The following POMT2 variants were observed in gnomAD, a reference collection of about 807,000 sequenced individuals.
The protein encoded by POMT2 is protein O-mannosyltransferase 2.
A neutral mutation model predicts 100.0 loss-of-function variants in POMT2; 75 were observed. The observed-to-expected ratio is 0.75, with a 90% CI of 0.62 to 0.91. The LOEUF (loss-of-function observed/expected upper bound fraction) is 0.91, where lower values mean the gene tolerates loss of function less well. Among genes scored for constraint, POMT2 ranks in the 40% least tolerant of loss-of-function variants. The probability of loss-of-function intolerance (pLI) is 0.00; values close to 1 mark genes in which losing one functional copy is unlikely to be tolerated. For missense variants in POMT2, 940 were observed against 955.1 expected (o/e 0.98, Z 0.21); for synonymous variants, 378 against 374.1 (o/e 1.01, Z -0.12).
chr14:77,279,879 C>A lies in POMT2; in HGVS notation c.1835G>T (p.Gly612Val), dbSNP rs772405371. The part of the protein sequence containing the change: ...LLSIALYLLS[G>V]SIIAVAMQRG... ...CTGCATGGCTACAGCAATGATGCTC[C>A]CTGAGAGGAGGTAGAGGGCGATGCT... is the stretch of plus-strand genomic sequence containing the variant. The change falls in exon 18 of 21, where the codon GGG becomes GTG. Residue 612 changes from glycine (G) to valine (V), a missense_variant. Gly to Val is a moderately radical substitution (Grantham distance 109). Transcript: ENST00000261534. 1.2e-6 allele frequency: 2 copies of A among 1,613,912 alleles called. No homozygotes were observed. Among genetic ancestry groups the A allele is most frequent in the Non-Finnish European group, 1.7e-6 (2 of 1,180,020 alleles).
At chr14:77,286,625 G>A (rs1890432548) in intron 12 of POMT2, 119 bp downstream of exon 12, 2 of 1,444,554 alleles carry the variant, frequency 1.4e-6, no homozygotes, top group East Asian at 2.4e-5. Context: ...GAGAGTCCCT[G>A]TGCAGCCTCT....
chr14:77,279,394 GCTC>G (rs1008226400), intron 18 of POMT2: 1 of 381,284 alleles, frequency 2.6e-6, no homozygotes, highest in Non-Finnish European at 5.1e-6. Context: ...AACCCTGGAG[GCTC>G]CTCTCTAGCC....
chr14:77,291,516 G>C (rs1290316740), intron 9 of POMT2, 136 bp from the exon 10 acceptor site: 2 of 1,238,472 alleles, frequency 1.6e-6, no homozygotes, highest in Non-Finnish European at 2.3e-6. Flanking sequence ...CCACCAACCT[G>C]AGGGGCCATG....
At chr14:77,312,823 T>C (rs1891488346) in intron 1 of POMT2, among the ~76,000 whole-genome samples, 1 of 152,208 alleles carries the variant, frequency 6.6e-6, no homozygotes, top group African/African-American at 2.4e-5. Context: ...ACCATGAGTG[T>C]CACAGGAGTC....
rs1449000965 is a variant in POMT2 at position 77,278,454 on chromosome 14, G to A, written c.2087C>T (p.Pro696Leu). Residue 696 changes from proline (P) to leucine (L), a missense_variant, in exon 20 of 21, where the codon CCC (proline) becomes CTC (leucine). Transcript: ENST00000261534. ...RLCAWGLASW[P>L]LARGIHVAGI... ...CGCCACATGTATGCCCCTCGCCAGG[G>A]GCCATGAGGCCAAGCCCCAGGCACA... is the stretch of plus-strand genomic sequence containing the variant. 2.7e-6 allele frequency: 4 copies of A among 1,505,726 alleles called. No homozygotes were observed. The East Asian group carries it at 9.8e-5, about 37-fold the overall frequency. The allele number at this position is 1,505,726 out of a possible 1,614,324, so 93.3% of individuals were successfully genotyped here.
chr14:77,288,508 A>T (rs558127833), intron 11 of POMT2, among the ~76,000 whole-genome samples: 1 of 152,258 alleles, frequency 6.6e-6, no homozygotes, highest in East Asian at 1.9e-4. Context: ...CTGTCTCAAA[A>T]AAAAACAGCA....
Position 77,280,407 on chromosome 14 carries a change from C to T in POMT2, c.1710G>A (p.Trp570Ter), listed in dbSNP as rs1433104590. 1 of 1,614,064 alleles carries T rather than the reference C, an allele frequency of 6.2e-7. No individual in the cohort carries two copies. Among genetic ancestry groups the T allele is most frequent in the Non-Finnish European group, 8.5e-7 (1 of 1,180,020 alleles). Residue 570 changes from tryptophan (W) to a stop codon, truncating the protein, a stop_gained, in exon 16 of 21, where the codon TGG becomes TGA. Transcript: ENST00000261534. LOFTEE classifies it high-confidence loss of function. ...TGGATCCTACCTGATAGTTGATAGG[C>T]CAGTGCCAGGGTTTGGACGTGAACT... ...DNEFTSKPWH[W>*]PINYQGLRFS... is the part of the protein sequence containing the mutation.
chr14:77,296,185 G>A lies in POMT2; in HGVS notation c.1095C>T (p.Gly365=). The change falls in exon 9 of 21, where the codon GGC becomes GGT. Residue 365 remains glycine (G), a synonymous_variant. Coordinates refer to ENST00000261534, the MANE Select transcript of POMT2 (RefSeq NM_013382.7). ...TGACCTGCTGCTGACGGGCACCAAT[G>A]CCCTCGGGGTAGAGGTGCCTGTGGG... The part of the protein sequence containing the change: ...LHSHRHLYPE[G]IGARQQQVTT... 6.2e-7 allele frequency: 1 copy of A among 1,606,004 alleles called. No homozygotes were observed. Among genetic ancestry groups the A allele is most frequent in the South Asian group, 1.1e-5 (1 of 88,976 alleles).
chr14:77,299,725 C>G, intron 6 of POMT2, 164 bp from the exon 7 acceptor site: 3 of 626,572 alleles, frequency 4.8e-6, no homozygotes, highest in Non-Finnish European at 2.9e-6. Context: ...TTCTGTAACA[C>G]CCACCACCCA....
In POMT2 at chr14:77,283,857, C is replaced by T. The variant is rs147934334; in HGVS notation, c.1593G>A (p.Leu531=). ...CAGGAAAACTGGGCTGTAGCACATC[C>T]AGGCTGATGTTTGGCACTAGGGGAA... ...HINPKLPNIS[L]DVLQPSFPEI... The change falls in exon 15 of 21, where the codon CTG becomes CTA. Residue 531 remains leucine (L), a synonymous_variant. Transcript: ENST00000261534. 2.4e-4 allele frequency: 379 copies of T among 1,612,688 alleles called. 4 individuals carry two copies. In the African/African-American group the frequency reaches 3.7e-3, roughly 16 times the overall value.
At chr14:77,287,015 G>T in intron 11 of POMT2, 193 bp from the exon 12 acceptor site, 1 of 1,157,488 alleles carries the variant, frequency 8.6e-7, no homozygotes, top group Non-Finnish European at 1.2e-6. Context: ...GAAGAGATGA[G>T]CCCAAACCAG....
chr14:77,303,096 G>A lies in POMT2; in HGVS notation c.548-153C>T, dbSNP rs192494914. Among the ~76,000 whole-genome samples the A allele has an allele frequency of 3.2e-3, 493 of 152,228 alleles. 3 individuals carry two copies. Among genetic ancestry groups the A allele is most frequent in the African/African-American group, 0.011 (475 of 41,534 alleles). ...ACTAGAGTCAACACTGAGTCATCAG[G>A]GAGGTAGAAGGCCACAGCTCTGGGA... On this transcript the variant is annotated intron_variant, in intron 4 of 20. Coordinates refer to ENST00000261534, the MANE Select transcript of POMT2 (RefSeq NM_013382.7).
chr14:77,320,792 C>G lies in POMT2; in HGVS notation c.-111G>C. 1 of 1,458,258 alleles carries G rather than the reference C, an allele frequency of 6.9e-7. No homozygotes were observed. Among genetic ancestry groups the G allele is most frequent in the Non-Finnish European group, 9.0e-7 (1 of 1,115,332 alleles). 90.3% of individuals were successfully genotyped at this position (1,458,258 alleles called of 1,614,324 possible). On this transcript the variant is annotated 5_prime_UTR_variant, in exon 1 of 21. Transcript: ENST00000261534. ...TCGGGGTACCCCGGGAAATGCAACGCCCTTCACTGCAGCGGAGCGCGGGGC... is the reference window on the plus strand; with the variant it reads ...TCGGGGTACCCCGGGAAATGCAACGGCCTTCACTGCAGCGGAGCGCGGGGC...
At chr14:77,300,470 A>T (rs948350617) in intron 6 of POMT2, 1 of 157,088 alleles carries the variant, frequency 6.4e-6, no homozygotes, top group Non-Finnish European at 1.4e-5. Flanking sequence ...TAAATAATAA[A>T]CTGTAAAGGC....
rs914545164 is a variant in POMT2, at chr14:77,280,264, C to A, written c.1725+128G>T. The A allele has an allele frequency of 2.0e-4, 318 of 1,559,550 alleles. 2 individuals carry two copies. The highest frequency in any genetic ancestry group is 2.6e-4 in the Non-Finnish European group (302 of 1,151,270). On this transcript the variant is annotated intron_variant, in intron 16 of 20. Coordinates refer to ENST00000261534, the MANE Select transcript of POMT2 (RefSeq NM_013382.7). Reference sequence around the variant, plus strand: ...TAGGGCAGAAAACAGATACTCCCACCTCTGGCCAACCCATCCCAGGAGGCC... The same window carrying A: ...TAGGGCAGAAAACAGATACTCCCACATCTGGCCAACCCATCCCAGGAGGCC...
intron 10 of POMT2, among the ~76,000 whole-genome samples, chr14:77,289,557 C>T (rs981013162): frequency 6.6e-6 from 1 of 152,104 alleles, no homozygotes; most frequent in Non-Finnish European, 1.5e-5. Flanking sequence ...GGCACTGAAG[C>T]CCCCACTGGA....
intron 12 of POMT2, among the ~76,000 whole-genome samples, chr14:77,286,408 G>C (rs898636872): frequency 6.6e-6 from 1 of 152,180 alleles, no homozygotes; most frequent in Non-Finnish European, 1.5e-5. Context: ...CATACATGTT[G>C]TTCATCTGGG....
At chr14:77,283,732 T>G (rs1480590575) in intron 15 of POMT2, 65 bp downstream of exon 15, 4 of 1,358,772 alleles carry the variant, frequency 2.9e-6, no homozygotes, top group Non-Finnish European at 4.2e-6. Context: ...CATTGACTTG[T>G]GATCCAAATT....
chr14:77,277,159 T>C lies in POMT2; in HGVS notation c.*217A>G, dbSNP rs1889994380. The C allele has an allele frequency of 1.7e-6, 1 of 581,058 alleles. No individual in the cohort carries two copies. The highest frequency in any genetic ancestry group is 1.9e-5 in the African/African-American group (1 of 53,948). The allele number at this position is 581,058 out of a possible 1,614,324, so 36.0% of individuals were successfully genotyped here. A position where few individuals can be genotyped will look rare whatever the true frequency, so the allele number is the denominator to read the frequency against. ...CGAGGGAGCAGCCCAAGAGGCGCTG[T>C]CCTCTCCGTGGTGCTGTGGACGGAG... On this transcript the variant is annotated 3_prime_UTR_variant, in exon 21 of 21. Transcript: ENST00000261534.
Sources: gnomAD v4.1 joint callset for allele counts (sites outside exome capture counted in the v4.1 genomes callset) on GRCh38, gnomAD v4.1.1 for gene constraint, MANE v1.5 for transcripts, NCBI Gene and HGNC (gene_info 2026-07-23, HGNC 2026-07-21) for gene names.